Variants in THSD1 observed in about 807,000 individuals in gnomAD.
The protein encoded by THSD1 is thrombospondin type 1 domain containing 1.
A neutral mutation model predicts 46.3 loss-of-function variants in THSD1; 34 were observed. The observed-to-expected ratio is 0.74, with a 90% confidence interval of 0.56 to 0.98. THSD1 has a LOEUF of 0.98. THSD1 is among the 50% of genes least tolerant of loss of function. The probability of loss-of-function intolerance (pLI) is 0.00; values close to 1 mark genes in which losing one functional copy is unlikely to be tolerated. For synonymous variants in THSD1, 407 were observed against 416.5 expected (o/e 0.98, Z 0.28); for missense variants, 1,023 against 1,058.3 (o/e 0.97, Z 0.46).
intron 1 of THSD1, among the ~76,000 whole-genome samples, chr13:52,405,704 TA>T (rs764299138): frequency 7.9e-5 from 12 of 152,228 alleles, no homozygotes; most frequent in Non-Finnish European, 1.5e-4. Context: ...ACTTTTTGTA[TA>T]TCAGAAAGGA....
rs1457108847 is a variant in THSD1, at chr13:52,378,326, A to C, written c.1644T>G (p.Thr548=). The change falls in exon 5 of 5, where the codon ACT becomes ACG. Residue 548 remains threonine (T), a synonymous_variant. Coordinates refer to ENST00000258613, the MANE Select transcript of THSD1 (RefSeq NM_018676.4). ...KEMKKKGLTE[T]TKVYHVSQSP... is the part of the protein sequence containing the mutation. ...TCTGAGACACGTGATACACTTTGGT[A>C]GTTTCCGTCAGACCTTTCTTTTTCA... The C allele has an allele frequency of 6.2e-7, 1 of 1,614,084 alleles. No homozygotes were observed. Among genetic ancestry groups the C allele is most frequent in the Non-Finnish European group, 8.5e-7 (1 of 1,180,056 alleles).
intron 3 of THSD1, 109 bp from the exon 4 acceptor site, chr13:52,386,295 G>T: frequency 9.0e-7 from 1 of 1,113,026 alleles, no homozygotes; most frequent in Non-Finnish European, 1.3e-6. Context: ...AAAAGCCCGT[G>T]AGTTAAAGCG....
rs553067257 is a variant in THSD1 at position 52,404,728 on chromosome 13, A to G, written c.-82+1303T>C. ...ACTGAGACCTGGTAACCAAACTAAG[A>G]AGAAGCAAGCTCCCAAAAGTTGAAC... On this transcript the variant is annotated intron_variant, in intron 1 of 4. Coordinates refer to ENST00000258613, the MANE Select transcript of THSD1 (RefSeq NM_018676.4). Among the ~76,000 whole-genome samples, 18 of 152,296 alleles carry G rather than the reference A, an allele frequency of 1.2e-4. No homozygotes were observed. The East Asian group carries it at 3.1e-3, about 26-fold the overall frequency.
intron 2 of THSD1, 192 bp from the exon 3 acceptor site, chr13:52,398,386 C>T (rs1957827981): frequency 4.6e-6 from 3 of 657,916 alleles, no homozygotes; most frequent in East Asian, 1.4e-4. Flanking sequence ...TCTCCCACCT[C>T]GCCCTCACGA....
At chr13:52,382,987 C>T (rs1210076751) in intron 4 of THSD1, among the ~76,000 whole-genome samples, 1 of 150,692 alleles carries the variant, frequency 6.6e-6, no homozygotes, top group Non-Finnish European at 1.5e-5. Context: ...GGCAACACAG[C>T]AAGACTCTGT....
chr13:52,379,053 TG>T (rs1957671191), intron 4 of THSD1, among the ~76,000 whole-genome samples: 1 of 151,872 alleles, frequency 6.6e-6, no homozygotes, highest in African/African-American at 2.4e-5. Flanking sequence ...TTAGTAGAGC[TG>T]GGGTTTCATC....
chr13:52,403,380 A>T (rs1957878961), intron 1 of THSD1, among the ~76,000 whole-genome samples: 1 of 152,172 alleles, frequency 6.6e-6, no homozygotes, highest in Non-Finnish European at 1.5e-5. Flanking sequence ...ATGCATCACG[A>T]GATCGGTGGT....
chr13:52,403,633 C>G (rs942416140), intron 1 of THSD1, among the ~76,000 whole-genome samples: 1 of 152,166 alleles, frequency 6.6e-6, no homozygotes, highest in African/African-American at 2.4e-5. Flanking sequence ...AGGCGCCCAC[C>G]ACCATGCCCA....
intron 3 of THSD1, among the ~76,000 whole-genome samples, chr13:52,396,477 G>A (rs558372826): frequency 2.0e-5 from 3 of 152,198 alleles, no homozygotes; most frequent in East Asian, 1.9e-4. Flanking sequence ...AGCCGAGATC[G>A]CGCCACTGCA....
intron 3 of THSD1, among the ~76,000 whole-genome samples, chr13:52,393,617 C>T (rs1957789298): frequency 6.6e-6 from 1 of 152,138 alleles, no homozygotes; most frequent in Admixed American, 6.5e-5. Context: ...CAGATCGCAC[C>T]ACTGCACTAC....
In THSD1 at chr13:52,397,434, A is replaced by G; in HGVS notation, c.819T>C (p.Thr273=). Residue 273 remains threonine (T), a synonymous_variant, in exon 3 of 5, where the codon ACT becomes ACC. Coordinates refer to ENST00000258613, the MANE Select transcript of THSD1 (RefSeq NM_018676.4). ...GGTATCTGGGGGCCTCCTTGAAGAC[A>G]GTGACCACTCCTTGGACGAAGGTGC... is the stretch of plus-strand genomic sequence containing the variant. ...PPCTFVQGVV[T]VFKEAPRYPG... 1.2e-6 allele frequency: 2 copies of G among 1,614,154 alleles called. No individual in the cohort carries two copies. The highest frequency in any genetic ancestry group is 1.7e-6 in the Non-Finnish European group (2 of 1,180,030).
chr13:52,377,469 C>T lies in THSD1; in HGVS notation c.2501G>A (p.Gly834Glu). ...TGTGGTTTCATCCTCTTCATTTGAC[C>T]CAAAATATCCTGGGAGGTCCAGCAT... The part of the protein sequence containing the change: ...QRMLDLPGYF[G>E]SNEEDETTST... The change falls in exon 5 of 5, where the codon GGG becomes GAG. Residue 834 changes from glycine (G) to glutamate (E), a missense_variant. Around this residue, in one of 3 missense-constraint regions of THSD1, gnomAD observed 16 missense variants for 42.6 expected, o/e 0.38. Transcript: ENST00000258613. The T allele has an allele frequency of 1.9e-6, 3 of 1,548,518 alleles. No homozygotes were observed. Among genetic ancestry groups the T allele is most frequent in the Non-Finnish European group, 2.6e-6 (3 of 1,143,612 alleles).
chr13:52,400,493 G>C (rs191669992), intron 2 of THSD1, among the ~76,000 whole-genome samples: 1 of 152,246 alleles, frequency 6.6e-6, no homozygotes, highest in Admixed American at 6.5e-5. Context: ...AGCTACTCAG[G>C]AGGCTGAGGC....
chr13:52,387,302 A>G (rs1957740077), intron 3 of THSD1, among the ~76,000 whole-genome samples: 1 of 152,226 alleles, frequency 6.6e-6, no homozygotes, highest in Admixed American at 6.5e-5. Context: ...AACATAGCTC[A>G]ATTCTTTACT....
intron 4 of THSD1, among the ~76,000 whole-genome samples, chr13:52,385,779 T>C (rs899856566): frequency 6.6e-6 from 1 of 152,238 alleles, no homozygotes; most frequent in East Asian, 1.9e-4. Flanking sequence ...GAATCCTTAA[T>C]ATTTCCTTAT....
chr13:52,392,148 C>T (rs937534537), intron 3 of THSD1, among the ~76,000 whole-genome samples: 3 of 147,628 alleles, frequency 2.0e-5, no homozygotes, highest in Admixed American at 6.8e-5. Context: ...GCCGAGATCG[C>T]GCCACTGCGC....
chr13:52,377,634 G>A lies in THSD1; in HGVS notation c.2336C>T (p.Ser779Phe). 6.2e-7 allele frequency: 1 copy of A among 1,610,512 alleles called. No homozygotes were observed. Among genetic ancestry groups the A allele is most frequent in the South Asian group, 1.1e-5 (1 of 90,946 alleles). Residue 779 changes from serine to phenylalanine, a missense_variant, in exon 5 of 5, where the codon TCC becomes TTC. Transcript: ENST00000258613. ...GACCCTCTGGTAGTTATCTTTGGGG[G>A]ATATGGGAGAAGACTGCTTCCTTGA... ...SVSRKQSSPI[S>F]PKDNYQRVSS...
chr13:52,396,473 G>C (rs1011250109), intron 3 of THSD1, among the ~76,000 whole-genome samples: 1 of 152,156 alleles, frequency 6.6e-6, no homozygotes, highest in Non-Finnish European at 1.5e-5. Context: ...AGTGAGCCGA[G>C]ATCGCGCCAC....
intron 3 of THSD1, among the ~76,000 whole-genome samples, chr13:52,391,558 T>A (rs985884305): frequency 5.3e-5 from 8 of 150,782 alleles, no homozygotes; most frequent in African/African-American, 1.5e-4. Context: ...ATATATATAT[T>A]TTTTAGATGG....
Sources: gnomAD v4.1 joint callset for allele counts (sites outside exome capture counted in the v4.1 genomes callset) on GRCh38, gnomAD v4.1.1 for gene constraint, gnomAD v4.1.1 regional missense constraint, MANE v1.5 for transcripts, NCBI Gene and HGNC (gene_info 2026-07-23, HGNC 2026-07-21) for gene names.